Variants in RIGI observed in about 807,000 individuals in gnomAD.
RIGI encodes RNA sensor RIG-I.
At chr9:32,483,595 C>T in the RIGI span, among the ~76,000 whole-genome samples, 1 of 152,154 alleles carries the variant, frequency 6.6e-6, no homozygotes. Flanking sequence ...CTCCCTTCCT[C>T]TTGCCTTGTT....
chr9:32,498,851 T>C, the RIGI span, among the ~76,000 whole-genome samples: 803 of 152,048 alleles, frequency 5.3e-3, 4 homozygotes, highest in African/African-American at 0.019. Flanking sequence ...GATGTGGTGG[T>C]GGCCACCTGT....
chr9:32,525,991 G>A, the RIGI span: 3 of 1,199,550 alleles, frequency 2.5e-6, no homozygotes, highest in Non-Finnish European at 3.7e-6. Flanking sequence ...ATTAAAAGAA[G>A]GGAACGAAGC....
chr9:32,520,927 G>C, the RIGI span, among the ~76,000 whole-genome samples: 11 of 151,912 alleles, frequency 7.2e-5, no homozygotes, highest in Non-Finnish European at 1.5e-4. Context: ...AGGCGGATCA[G>C]CTGAGGCCAC....
chr9:32,481,617 G>A, the RIGI span: 5 of 714,562 alleles, frequency 7.0e-6, no homozygotes, highest in African/African-American at 5.5e-5. Context: ...GCAGAGTCTC[G>A]CTCTGATGCC....
At chr9:32,485,583 C>T in the RIGI span, 1 of 433,554 alleles carries the variant, frequency 2.3e-6, no homozygotes, top group South Asian at 1.8e-5. Flanking sequence ...CTGTGTCACC[C>T]AGGCTGGAGT....
At chr9:32,461,381 A>G in the RIGI span, among the ~76,000 whole-genome samples, 1 of 152,218 alleles carries the variant, frequency 6.6e-6, no homozygotes, top group Non-Finnish European at 1.5e-5. Context: ...GATTTCCTCC[A>G]TGTCTTCTAT....
At chr9:32,509,897 C>G in the RIGI span, among the ~76,000 whole-genome samples, 2 of 151,772 alleles carry the variant, frequency 1.3e-5, no homozygotes, top group Non-Finnish European at 2.9e-5. Flanking sequence ...ACCTGAATGA[C>G]CTGATGTAGC....
At chr9:32,467,427 C>T in the RIGI span, among the ~76,000 whole-genome samples, 2 of 152,214 alleles carry the variant, frequency 1.3e-5, no homozygotes, top group Admixed American at 1.3e-4. Context: ...CTGGAGTATC[C>T]CTTCTTGAAT....
At chr9:32,487,748 C>G in the RIGI span, 1 of 1,291,512 alleles carries the variant, frequency 7.7e-7, no homozygotes, top group Non-Finnish European at 1.1e-6. Flanking sequence ...TACTAACACA[C>G]AGTGTATGGC....
the RIGI span, among the ~76,000 whole-genome samples, chr9:32,511,242 G>A: frequency 6.6e-6 from 1 of 152,094 alleles, no homozygotes; most frequent in African/African-American, 2.4e-5. Context: ...TGACCTAGTA[G>A]ACATCTACAG....
the RIGI span, chr9:32,485,611 G>A: frequency 7.3e-6 from 3 of 411,766 alleles, no homozygotes; most frequent in South Asian, 5.4e-5. Context: ...CGCGATCTCG[G>A]CTCACTGCAA....
At chr9:32,481,200 T>G in the RIGI span, 7 of 765,510 alleles carry the variant, frequency 9.1e-6, no homozygotes, top group African/African-American at 3.6e-5. Flanking sequence ...TTTTGGAGTT[T>G]GCTTCATAAG....
the RIGI span, among the ~76,000 whole-genome samples, chr9:32,499,849 G>T: frequency 1.8e-3 from 271 of 152,234 alleles, 3 homozygotes; most frequent in African/African-American, 5.0e-3. Flanking sequence ...CAAACTCCTG[G>T]ACTCTAGCAG....
the RIGI span, among the ~76,000 whole-genome samples, chr9:32,466,808 A>G: frequency 2.6e-5 from 4 of 151,880 alleles, no homozygotes; most frequent in Admixed American, 1.3e-4. Flanking sequence ...TCAACAATGC[A>G]GGGTGATTAG....
the RIGI span, among the ~76,000 whole-genome samples, chr9:32,475,136 G>C: frequency 5.3e-5 from 8 of 151,914 alleles, no homozygotes; most frequent in Admixed American, 2.0e-4. Flanking sequence ...ATTTTTAGTA[G>C]AGACAGGGTT....
the RIGI span, chr9:32,526,064 C>T: frequency 6.2e-6 from 10 of 1,612,284 alleles, no homozygotes; most frequent in South Asian, 3.3e-5. Context: ...CACTCACCCT[C>T]CCTAAACCAG....
At chr9:32,456,226 AAG>A in the RIGI span, 8 of 152,178 alleles carry the variant, frequency 5.3e-5, no homozygotes, top group African/African-American at 1.9e-4. Flanking sequence ...GGCACACGTT[AAG>A]AGAACATATT....
chr9:32,491,005 T>C, the RIGI span, among the ~76,000 whole-genome samples: 11 of 152,278 alleles, frequency 7.2e-5, no homozygotes, highest in East Asian at 1.9e-3. Context: ...TTCATAGACA[T>C]TGGGTTTTGG....
At chr9:32,485,940 T>C in the RIGI span, among the ~76,000 whole-genome samples, 1 of 152,160 alleles carries the variant, frequency 6.6e-6, no homozygotes, top group Admixed American at 6.5e-5. Flanking sequence ...TCTCTGTGCT[T>C]TGATATTCTC....
Sources: allele counts gnomAD v4.1 joint callset (sites outside exome capture counted in the v4.1 genomes callset), GRCh38; gene constraint gnomAD v4.1.1; transcripts MANE v1.5; gene names NCBI Gene and HGNC (gene_info 2026-07-23, HGNC 2026-07-21).